The following LITAF variants were observed in gnomAD, a reference collection of about 807,000 sequenced individuals.
The protein encoded by LITAF is lipopolysaccharide induced TNF factor, also known as lipopolysaccharide-induced tumor necrosis factor-alpha factor.
A neutral mutation model predicts 14.5 loss-of-function variants in LITAF; 9 were observed. The observed-to-expected ratio is 0.62, with a 90% CI of 0.37 to 1.08. LITAF has a LOEUF of 1.08. Ranked by LOEUF, LITAF falls within the 50% of genes least tolerant of loss-of-function variation. LITAF has a pLI of 0.01. For synonymous variants in LITAF, 98 were observed against 88.2 expected, an observed-to-expected ratio of 1.11 and a Z score of -0.62; for missense variants, 206 against 213.4, an observed-to-expected ratio of 0.97 and a Z score of 0.22.
At chr16:11,610,979 T>A (rs532226659) in intron 3 of LITAF, among the ~76,000 whole-genome samples, 1 of 151,334 alleles carries the variant, frequency 6.6e-6, no homozygotes, top group Admixed American at 6.6e-5. Flanking sequence ...ATCTAAGGGG[T>A]AGGAGGAGGG....
intron 3 of LITAF, among the ~76,000 whole-genome samples, chr16:11,624,401 A>G (rs1034523589): frequency 6.6e-6 from 1 of 152,202 alleles, no homozygotes; most frequent in Non-Finnish European, 1.5e-5. Context: ...AATAGAATTC[A>G]TGATAACAAG....
chr16:11,598,043 C>CT (rs2064902235), intron 1 of LITAF, among the ~76,000 whole-genome samples: 1 of 152,152 alleles, frequency 6.6e-6, no homozygotes, highest in Non-Finnish European at 1.5e-5. Flanking sequence ...GTAGCTGGGA[C>CT]TACAGGCATG....
chr16:11,582,291 T>C lies in LITAF; in HGVS notation c.-6+4595A>G, dbSNP rs115789256. Among the ~76,000 whole-genome samples, 768 of 117,690 alleles carry C rather than the reference T, an allele frequency of 6.5e-3. 11 individuals are homozygous for C. The highest frequency in any genetic ancestry group is 0.025 in the African/African-American group (737 of 29,862). The allele number at this position is 117,690 out of a possible 152,430, so 77.2% of individuals were successfully genotyped here. A position where few individuals can be genotyped will look rare whatever the true frequency, so the allele number is the denominator to read the frequency against. On this transcript the variant is annotated intron_variant, in intron 1 of 3. Transcript: ENST00000622633. The stretch of plus-strand genomic sequence containing the variant: ...AGGGTTTGAAAACAAGAGCAAGATA[T>C]AGTGAAATATCTATTTCACTCACAA...
chr16:11,553,873 A>G lies in LITAF; in HGVS notation c.221-184T>C. The G allele has an allele frequency of 1.6e-6, 1 of 630,338 alleles. No homozygotes were observed. Among genetic ancestry groups the G allele is most frequent in the Middle Eastern group, 4.0e-4 (1 of 2,494 alleles). 39.0% of individuals were successfully genotyped at this position (630,338 alleles called of 1,614,324 possible). A position where few individuals can be genotyped will look rare whatever the true frequency, so the allele number is the denominator to read the frequency against. ...AAAAGGGGAAGGAACACCAGTGTCC[A>G]TCGACGGACCAATAAACTAACACAG... On this transcript the variant is annotated intron_variant, in intron 2 of 3. Coordinates refer to ENST00000622633, the MANE Select transcript of LITAF (RefSeq NM_001136472.2). The surrounding 1 kb of genome is among the most constrained non-coding windows in gnomAD (Gnocchi z 7.7).
At chr16:11,560,246 G>C (rs1283712876) in intron 1 of LITAF, among the ~76,000 whole-genome samples, 3 of 152,050 alleles carry the variant, frequency 2.0e-5, no homozygotes, top group Non-Finnish European at 4.4e-5. Flanking sequence ...GCAGGGAGCT[G>C]AGATTGCGCC....
chr16:11,597,956 G>T (rs2064901220), intron 1 of LITAF, among the ~76,000 whole-genome samples: 1 of 152,144 alleles, frequency 6.6e-6, no homozygotes, highest in Admixed American at 6.5e-5. Context: ...ACCCAGGCTG[G>T]AGTGCAGTGG....
At chr16:11,602,932 G>A (rs1399669688), upstream of LITAF, among the ~76,000 whole-genome samples, 2 of 151,698 alleles carry the variant, frequency 1.3e-5, no homozygotes, top group Non-Finnish European at 2.9e-5. Flanking sequence ...GCAACCCAGC[G>A]AGACCCCATC....
In LITAF at chr16:11,547,726, C is replaced by T. The variant is rs2064126581; in HGVS notation, c.*1911G>A. ...TCAGAGAATGAATGGGGACAGTTCTCTTTTGTGCATTTTATTAAAACTTGA... is the reference window on the plus strand; with the variant it reads ...TCAGAGAATGAATGGGGACAGTTCTTTTTTGTGCATTTTATTAAAACTTGA... On this transcript the variant is annotated 3_prime_UTR_variant, in exon 4 of 4. Coordinates refer to ENST00000622633, the MANE Select transcript of LITAF (RefSeq NM_001136472.2). 2.2e-6 allele frequency: 1 copy of T among 450,638 alleles called. No homozygotes were observed. Among genetic ancestry groups the T allele is most frequent in the South Asian group, 1.6e-5 (1 of 64,194 alleles). 27.9% of individuals were successfully genotyped at this position (450,638 alleles called of 1,614,324 possible). A position where few individuals can be genotyped will look rare whatever the true frequency, so the allele number is the denominator to read the frequency against.
intron 3 of LITAF, among the ~76,000 whole-genome samples, chr16:11,619,528 C>T (rs375437857): frequency 6.0e-4 from 92 of 152,202 alleles, no homozygotes; most frequent in African/African-American, 1.9e-3. Context: ...ATTATTACAG[C>T]CACAGGGCAT....
intron 3 of LITAF, among the ~76,000 whole-genome samples, chr16:11,611,827 T>G (rs371373667): frequency 6.6e-6 from 1 of 152,152 alleles, no homozygotes; most frequent in Non-Finnish European, 1.5e-5. Flanking sequence ...CATGCCTGGA[T>G]AGTTTTTTTG....
rs186648666 is a variant in LITAF, at chr16:11,632,807, G to A, written c.85+726C>T. ...GCCCCCGCACGGGTCAGAGTTTTCC[G>A]TGTGCCGCCTCCTCGTCCTTCTTCT... On this transcript the variant is annotated intron_variant, in intron 3 of 3. Transcript: ENST00000574848. This position sits in a 1 kb window ranked among gnomAD's most constrained non-coding sequence, Gnocchi z 4.8. Among the ~76,000 whole-genome samples, 381 of 152,046 alleles carry A rather than the reference G, an allele frequency of 2.5e-3. 3 individuals carry two copies. The highest frequency in any genetic ancestry group is 8.8e-3 in the African/African-American group (364 of 41,320).
At position 11,551,786 on chromosome 16, in the gene LITAF, C is replaced by T. The variant is rs753830914; in HGVS notation, c.377+1747G>A. 14 of 673,368 alleles carry T rather than the reference C, an allele frequency of 2.1e-5. No homozygotes were observed. Among genetic ancestry groups the T allele is most frequent in the East Asian group, 2.8e-5 (1 of 35,092 alleles). The allele number at this position is 673,368 out of a possible 1,614,324, so 41.7% of individuals were successfully genotyped here. The stretch of plus-strand genomic sequence containing the variant: ...GATCAAAGCTGCGGAGAGCTACGAT[C>T]GTACCACTGCACTCCTGCCTGGACA... On this transcript the variant is annotated intron_variant, in intron 3 of 3. Transcript: ENST00000622633.
chr16:11,558,813 G>C lies in LITAF; in HGVS notation c.-5-2078C>G. Among the ~76,000 whole-genome samples the C allele has an allele frequency of 6.6e-6, 1 of 152,170 alleles. No individual in the cohort carries two copies. The highest frequency in any genetic ancestry group is 3.2e-3 in the Middle Eastern group (1 of 316). On this transcript the variant is annotated intron_variant, in intron 1 of 3. Transcript: ENST00000622633. This position sits in a 1 kb window ranked among gnomAD's most constrained non-coding sequence, Gnocchi z 4.1. ...TTGGGGCTGCATTCTAGAAAACTTT[G>C]AAAGTCCCTTGGAGAACACGTGTTC...
In LITAF at chr16:11,623,611, G is replaced by A. The variant is rs187491542; in HGVS notation, c.85+9922C>T. On this transcript the variant is annotated intron_variant, in intron 3 of 3. Transcript: ENST00000574848. ...GGAGGCAGAGGTTGTGGTGAGCTGA[G>A]ATCACAACCTTGCACTCTAGCCTGG... is the stretch of plus-strand genomic sequence containing the variant. 4.6e-3 allele frequency among the ~76,000 whole-genome samples: 698 copies of A among 151,528 alleles called. 3 individuals are homozygous for A. Among genetic ancestry groups the A allele is most frequent in the Middle Eastern group, 0.045 (13 of 290 alleles).
upstream of LITAF, among the ~76,000 whole-genome samples, chr16:11,589,681 C>T (rs983469885): frequency 7.2e-6 from 1 of 139,226 alleles, no homozygotes; most frequent in South Asian, 2.3e-4. Context: ...TACAGTGGCT[C>T]GATCACAGCT....
rs535657236 is a variant in LITAF, at chr16:11,548,755, C to T, written c.*882G>A. ...CTTCGGGAGGCCAAGGCAGAAGGAT[C>T]GCTTGAGCCCAGGAGTTCGACACCA... On this transcript the variant is annotated 3_prime_UTR_variant, in exon 4 of 4. Coordinates refer to ENST00000622633, the MANE Select transcript of LITAF (RefSeq NM_001136472.2). 15 of 453,288 alleles carry T rather than the reference C, an allele frequency of 3.3e-5. No individual in the cohort carries two copies. The highest frequency in any genetic ancestry group is 7.1e-5 in the Admixed American group (3 of 42,474). The allele number at this position is 453,288 out of a possible 1,614,324, so 28.1% of individuals were successfully genotyped here.
chr16:11,580,286 C>T (rs1484687842), intron 1 of LITAF, among the ~76,000 whole-genome samples: 1 of 150,658 alleles, frequency 6.6e-6, no homozygotes, highest in Non-Finnish European at 1.5e-5. Context: ...GAGACGGAGT[C>T]TCATTCTGTG....
upstream of LITAF, among the ~76,000 whole-genome samples, chr16:11,601,514 T>C (rs1396657180): frequency 2.0e-5 from 3 of 152,136 alleles, no homozygotes; most frequent in Non-Finnish European, 4.4e-5. Context: ...ACCATAGTAT[T>C]TTCTTAAAAA....
chr16:11,638,692 A>C, upstream of LITAF, among the ~76,000 whole-genome samples: 1 of 120,614 alleles, frequency 8.3e-6, no homozygotes, highest in African/African-American at 3.3e-5. Context: ...ACAGAGCAAG[A>C]CTCTGTCTCA....
Sources: gnomAD v4.1 joint callset for allele counts (sites outside exome capture counted in the v4.1 genomes callset) on GRCh38, gnomAD v4.1.1 for gene constraint, Gnocchi (gnomAD v3.1) non-coding constraint, MANE v1.5 for transcripts, NCBI Gene and HGNC (gene_info 2026-07-23, HGNC 2026-07-21) for gene names.